Variants in TMEM45A observed in about 807,000 individuals in gnomAD.
TMEM45A encodes the protein transmembrane protein 45A, also known as DNA polymerase-transactivated protein 4.
In TMEM45A, 25 loss-of-function variants were observed where a neutral mutation model predicts 32.0. The ratio of observed to expected loss-of-function variants is 0.78; its 90% confidence interval spans 0.57 to 1.09. The LOEUF (loss-of-function observed/expected upper bound fraction) is 1.09, where lower values mean the gene tolerates loss of function less well. Ranked by LOEUF, TMEM45A falls within the 50% of genes least tolerant of loss-of-function variation. The pLI, the probability that TMEM45A is intolerant of heterozygous loss-of-function variation, is 0.00. For synonymous variants in TMEM45A, 122 were observed against 114.8 expected (o/e 1.06, Z -0.40); for missense variants, 302 against 325.0 (o/e 0.93, Z 0.54).
At position 100,512,542 on chromosome 3, in the gene TMEM45A, C is replaced by A. The variant is rs536512602; in HGVS notation, c.-4+19614C>A. Among the ~76,000 whole-genome samples the A allele has an allele frequency of 2.7e-4, 41 of 152,208 alleles. 1 individual carries two copies. Among genetic ancestry groups the A allele is most frequent in the African/African-American group, 9.6e-4 (40 of 41,508 alleles). ...AAGGAGGAAAGATCCAAAATTGACA[C>A]CCTAACATCACAATTAAAGGAACTA... On this transcript the variant is annotated intron_variant, in intron 1 of 5. Transcript: ENST00000323523.
intron 3 of TMEM45A, 58 bp from the exon 4 acceptor site, chr3:100,558,347 G>A: frequency 1.3e-6 from 2 of 1,597,954 alleles, no homozygotes; most frequent in Admixed American, 1.7e-5. Context: ...GGGAGAGAGA[G>A]AAACAGTGGG....
intron 1 of TMEM45A, among the ~76,000 whole-genome samples, chr3:100,520,143 T>C (rs1449646802): frequency 1.3e-5 from 2 of 152,196 alleles, no homozygotes; most frequent in African/African-American, 4.8e-5. Flanking sequence ...AATAAGTCAG[T>C]AATTATGGGT....
intron 1 of TMEM45A, among the ~76,000 whole-genome samples, chr3:100,519,917 C>T (rs545058027): frequency 6.6e-6 from 1 of 152,268 alleles, no homozygotes; most frequent in South Asian, 2.1e-4. Flanking sequence ...CTGGGGCCTT[C>T]AGGAATCTGG....
intron 1 of TMEM45A, among the ~76,000 whole-genome samples, chr3:100,547,416 G>A (rs1460856464): frequency 2.0e-5 from 3 of 151,994 alleles, no homozygotes; most frequent in Admixed American, 1.3e-4. Context: ...CACTGCACCT[G>A]GCCTATGTAC....
At chr3:100,536,160 C>T (rs1181683312) in intron 1 of TMEM45A, among the ~76,000 whole-genome samples, 8 of 152,022 alleles carry the variant, frequency 5.3e-5, no homozygotes, top group Admixed American at 2.6e-4. Context: ...AACCCCTCAC[C>T]CTGCCCCTGC....
intron 1 of TMEM45A, among the ~76,000 whole-genome samples, chr3:100,523,615 A>G (rs1227714206): frequency 6.6e-6 from 1 of 151,996 alleles, no homozygotes; most frequent in East Asian, 1.9e-4. Flanking sequence ...AGATGAGATA[A>G]CTTTTAGCTT....
At chr3:100,574,853 T>C (rs1706648564) in intron 5 of TMEM45A, among the ~76,000 whole-genome samples, 1 of 152,230 alleles carries the variant, frequency 6.6e-6, no homozygotes, top group Non-Finnish European at 1.5e-5. Flanking sequence ...TCATGTTTTA[T>C]ATACTTTTCA....
chr3:100,541,019 T>A (rs932887656), intron 1 of TMEM45A, among the ~76,000 whole-genome samples: 1 of 152,220 alleles, frequency 6.6e-6, no homozygotes, highest in African/African-American at 2.4e-5. Context: ...ATAGTCCCTC[T>A]GACTGGTATG....
chr3:100,577,050 C>A lies in TMEM45A; in HGVS notation c.*32C>A. On this transcript the variant is annotated 3_prime_UTR_variant, in exon 6 of 6. Transcript: ENST00000323523. Reference sequence around the variant, plus strand: ...TGAGCTTCCAGTTTTTCTAGATAAACCTTTTCTTTTTTACATTGTTCTTGG... The same window carrying A: ...TGAGCTTCCAGTTTTTCTAGATAAAACTTTTCTTTTTTACATTGTTCTTGG... The A allele has an allele frequency of 1.3e-6, 2 of 1,553,566 alleles. No individual in the cohort carries two copies. The highest frequency in any genetic ancestry group is 1.8e-6 in the Non-Finnish European group (2 of 1,137,288).
intron 1 of TMEM45A, among the ~76,000 whole-genome samples, chr3:100,508,541 A>G (rs1052832908): frequency 2.0e-5 from 3 of 152,228 alleles, no homozygotes; most frequent in African/African-American, 7.2e-5. Context: ...GGAGGCATCT[A>G]CTACCTGGCT....
chr3:100,512,320 T>C (rs1708179972), intron 1 of TMEM45A, among the ~76,000 whole-genome samples: 1 of 152,164 alleles, frequency 6.6e-6, no homozygotes, highest in East Asian at 1.9e-4. Context: ...ATTAAGAATC[T>C]CACTCAAAAA....
At chr3:100,555,576 G>T (rs1240639837) in intron 2 of TMEM45A, among the ~76,000 whole-genome samples, 175 bp downstream of exon 2, 1 of 152,170 alleles carries the variant, frequency 6.6e-6, no homozygotes, top group Non-Finnish European at 1.5e-5. Context: ...TTATGGAAAA[G>T]CTTCAGTAAT....
intron 1 of TMEM45A, chr3:100,519,703 C>A: frequency 1.6e-6 from 2 of 1,276,288 alleles, no homozygotes; most frequent in African/African-American, 1.5e-5. Context: ...CCTGACTGTA[C>A]CGTGTATTTA....
chr3:100,554,188 T>A (rs1426487887), intron 1 of TMEM45A, among the ~76,000 whole-genome samples: 11 of 151,998 alleles, frequency 7.2e-5, no homozygotes, highest in Admixed American at 6.6e-4. Context: ...TTTTTTTTTT[T>A]AATAGCAGGG....
At chr3:100,505,036 G>A (rs1576257252) in intron 1 of TMEM45A, among the ~76,000 whole-genome samples, 2 of 152,302 alleles carry the variant, frequency 1.3e-5, no homozygotes, top group Admixed American at 1.3e-4. Context: ...ATGTTCCTGA[G>A]ATTGGAGAAC....
At chr3:100,493,261 T>C (rs1707874715) in intron 1 of TMEM45A, among the ~76,000 whole-genome samples, 1 of 152,044 alleles carries the variant, frequency 6.6e-6, no homozygotes, top group Non-Finnish European at 1.5e-5. Flanking sequence ...TCTGTGAAAA[T>C]ACTGTGGGTA....
chr3:100,547,760 A>G (rs187376292), intron 1 of TMEM45A, among the ~76,000 whole-genome samples: 10 of 152,308 alleles, frequency 6.6e-5, no homozygotes, highest in Non-Finnish European at 8.8e-5. Flanking sequence ...TTATTAGTAT[A>G]CAATAGGTGT....
intron 5 of TMEM45A, among the ~76,000 whole-genome samples, chr3:100,575,725 C>T (rs1044074053): frequency 6.6e-6 from 1 of 152,138 alleles, no homozygotes; most frequent in Non-Finnish European, 1.5e-5. Flanking sequence ...CTTCTTTGAG[C>T]TTCTTAATTC....
chr3:100,551,203 C>T (rs972255424), intron 1 of TMEM45A, among the ~76,000 whole-genome samples: 1 of 151,884 alleles, frequency 6.6e-6, no homozygotes, highest in Admixed American at 6.6e-5. Flanking sequence ...TTAGTGGAGA[C>T]GGGGTTTCGC....
Sources: gnomAD v4.1 joint callset for allele counts (sites outside exome capture counted in the v4.1 genomes callset) on GRCh38, gnomAD v4.1.1 for gene constraint, MANE v1.5 for transcripts, NCBI Gene and HGNC (gene_info 2026-07-23, HGNC 2026-07-21) for gene names.